Variants in EXT2 observed in about 807,000 individuals in gnomAD.
EXT2 encodes the protein exostosin glycosyltransferase 2, also known as exostosin-2.
A neutral mutation model predicts 81.6 loss-of-function variants in EXT2; 53 were observed. That is an observed-to-expected ratio of 0.65 (90% confidence interval 0.52 to 0.82). EXT2 has a LOEUF of 0.82. Among genes scored for constraint, EXT2 ranks in the 40% least tolerant of loss-of-function variants. EXT2 has a pLI of 0.00. For synonymous variants in EXT2, 320 were observed against 340.0 expected (o/e 0.94, Z 0.65); for missense variants, 774 against 910.2 (o/e 0.85, Z 1.93).
intron 7 of EXT2, among the ~76,000 whole-genome samples, chr11:44,137,049 G>T (rs1954580833): frequency 6.6e-6 from 1 of 152,046 alleles, no homozygotes; most frequent in Non-Finnish European, 1.5e-5. Context: ...CTATTGTGAA[G>T]GAAAGTGGTC....
At chr11:44,150,756 A>G (rs1733361541) in intron 7 of EXT2, among the ~76,000 whole-genome samples, 1 of 152,218 alleles carries the variant, frequency 6.6e-6, no homozygotes, top group South Asian at 2.1e-4. Context: ...CTTACTCTAG[A>G]GGAAATTCAG....
intron 1 of EXT2, chr11:44,096,285 G>C: frequency 6.5e-7 from 1 of 1,535,978 alleles, no homozygotes; most frequent in Non-Finnish European, 8.7e-7. Context: ...GTGGTGGCCT[G>C]CGGCATCCCT....
intron 10 of EXT2, among the ~76,000 whole-genome samples, chr11:44,221,152 G>A (rs1324697006): frequency 1.3e-5 from 2 of 152,166 alleles, no homozygotes; most frequent in African/African-American, 4.8e-5. Flanking sequence ...CTGCCCATCT[G>A]AGGGTCTCTC....
chr11:44,184,813 C>A (rs1483429971), intron 8 of EXT2, among the ~76,000 whole-genome samples: 1 of 152,134 alleles, frequency 6.6e-6, no homozygotes, highest in Non-Finnish European at 1.5e-5. Context: ...TATTAGACAG[C>A]AATGTCACTG....
At chr11:44,153,102 G>A (rs1393089530) in intron 7 of EXT2, among the ~76,000 whole-genome samples, 1 of 152,180 alleles carries the variant, frequency 6.6e-6, no homozygotes, top group African/African-American at 2.4e-5. Context: ...TATAATTCAA[G>A]TTGGGAAGAA....
intron 1 of EXT2, among the ~76,000 whole-genome samples, chr11:44,105,172 C>T (rs575220567): frequency 6.6e-5 from 10 of 152,246 alleles, no homozygotes; most frequent in African/African-American, 1.7e-4. Context: ...TCCATTTATC[C>T]GAAGCAAAAA....
Position 44,220,396 on chromosome 11 carries a change from G to T in EXT2, c.1663-11957G>T, listed in dbSNP as rs1955768939. On this transcript the variant is annotated intron_variant, in intron 10 of 13. Transcript: ENST00000533608. This position sits in a 1 kb window ranked among gnomAD's most constrained non-coding sequence, Gnocchi z 4.4. ...TTAGCCTGGCCATAATGTCAGTACA[G>T]TATTGAAAAGAGCATATCTCTGTCT... 6.6e-6 allele frequency among the ~76,000 whole-genome samples: 1 copy of T among 152,166 alleles called. No individual in the cohort carries two copies. The highest frequency in any genetic ancestry group is 2.1e-4 in the South Asian group (1 of 4,832).
intron 4 of EXT2, among the ~76,000 whole-genome samples, chr11:44,124,282 G>A (rs1458005935): frequency 6.6e-6 from 1 of 152,098 alleles, no homozygotes; most frequent in East Asian, 1.9e-4. Context: ...GCCAGGAGCA[G>A]CCCTTTCCAG....
chr11:44,190,441 A>G (rs1955376709), intron 8 of EXT2, among the ~76,000 whole-genome samples: 1 of 152,196 alleles, frequency 6.6e-6, no homozygotes, highest in African/African-American at 2.4e-5. Context: ...AAGCTTCTGT[A>G]TAGCAGGCCT....
chr11:44,119,968 T>C (rs1260352444), intron 4 of EXT2, among the ~76,000 whole-genome samples: 1 of 152,194 alleles, frequency 6.6e-6, no homozygotes, highest in African/African-American at 2.4e-5. Context: ...TATTGTTTAA[T>C]CCCTCTCATA....
chr11:44,168,200 A>G (rs1955022120), intron 7 of EXT2, among the ~76,000 whole-genome samples: 1 of 108,196 alleles, frequency 9.2e-6, no homozygotes, highest in Non-Finnish European at 2.2e-5. Flanking sequence ...TGAAATTAAG[A>G]ATTTAATACA....
chr11:44,131,340 A>G (rs1336233950), intron 7 of EXT2, among the ~76,000 whole-genome samples: 1 of 152,136 alleles, frequency 6.6e-6, no homozygotes, highest in Non-Finnish European at 1.5e-5. Flanking sequence ...CTTTATTATG[A>G]TAGTGAACTT....
At chr11:44,210,955 G>A (rs1017557412) in intron 10 of EXT2, among the ~76,000 whole-genome samples, 13 of 152,110 alleles carry the variant, frequency 8.5e-5, no homozygotes, top group Non-Finnish European at 1.5e-4. Context: ...AAATTGACAA[G>A]CTAAAACTGA....
At position 44,202,288 on chromosome 11, in the gene EXT2, C is replaced by T. The variant is rs532677731; in HGVS notation, c.1495+4270C>T. ...TTTGGACATATATAGATGAACAGTG[C>T]GGAAAGCTGTCTATGGGTTGAATAT... On this transcript the variant is annotated intron_variant, in intron 9 of 13. Coordinates refer to ENST00000533608, the MANE Select transcript of EXT2 (RefSeq NM_207122.2). 2.5e-4 allele frequency among the ~76,000 whole-genome samples: 38 copies of T among 152,254 alleles called. No individual in the cohort carries two copies. In the South Asian group the frequency reaches 5.6e-3, roughly 22 times the overall value.
chr11:44,171,285 T>G (rs1035261638), intron 7 of EXT2, among the ~76,000 whole-genome samples: 2 of 152,244 alleles, frequency 1.3e-5, no homozygotes, highest in Non-Finnish European at 2.9e-5. Context: ...TACACAAGAT[T>G]TGTGCACTTT....
At position 44,251,400 on chromosome 11, in the gene EXT2, A is replaced by G. The variant is rs1444927146; in HGVS notation, c.*7113A>G. The stretch of plus-strand genomic sequence containing the variant: ...CTGCAGTGTATTATATGCTGTGTGG[A>G]AGTCTGGGGGTTAGGAAATACCTGG... On this transcript the variant is annotated 3_prime_UTR_variant, in exon 14 of 14. Transcript: ENST00000533608. Among the ~76,000 whole-genome samples, 1 of 152,188 alleles carries G rather than the reference A, an allele frequency of 6.6e-6. No homozygotes were observed. The highest frequency in any genetic ancestry group is 1.9e-4 in the East Asian group (1 of 5,202).
At chr11:44,229,074 T>C (rs1482648380) in intron 10 of EXT2, among the ~76,000 whole-genome samples, 1 of 152,160 alleles carries the variant, frequency 6.6e-6, no homozygotes, top group South Asian at 2.1e-4. Context: ...TGTTTAGTTA[T>C]GTGTGCTTGG....
chr11:44,141,088 C>G (rs960677206), intron 7 of EXT2, among the ~76,000 whole-genome samples: 4 of 152,090 alleles, frequency 2.6e-5, no homozygotes, highest in Non-Finnish European at 5.9e-5. Context: ...GTTCCAGGAC[C>G]TCCTGCAGAT....
At chr11:44,190,829 G>C (rs1475829030) in intron 8 of EXT2, among the ~76,000 whole-genome samples, 3 of 152,180 alleles carry the variant, frequency 2.0e-5, no homozygotes, top group Non-Finnish European at 2.9e-5. Context: ...GGTAACCCTA[G>C]AATGGTTTTG....
Sources: gnomAD v4.1 joint callset for allele counts (sites outside exome capture counted in the v4.1 genomes callset) on GRCh38, gnomAD v4.1.1 for gene constraint, Gnocchi (gnomAD v3.1) non-coding constraint, MANE v1.5 for transcripts, NCBI Gene and HGNC (gene_info 2026-07-23, HGNC 2026-07-21) for gene names.